The following GAREM1 variants were observed in gnomAD, a reference collection of about 807,000 sequenced individuals.
GAREM1 encodes the protein GRB2-associated and regulator of MAPK protein 1.
A neutral mutation model predicts 71.3 loss-of-function variants in GAREM1; 26 were observed. That is an observed-to-expected ratio of 0.36 (90% confidence interval 0.27 to 0.51). GAREM1 has a LOEUF of 0.51. Among genes scored for constraint, GAREM1 ranks in the 20% least tolerant of loss-of-function variants. GAREM1 has a pLI of 0.95. For missense variants in GAREM1, 1,026 were observed against 1,103.1 expected (o/e 0.93, Z 0.99); for synonymous variants, 440 against 433.2 (o/e 1.02, Z -0.20).
In GAREM1 at chr18:32,270,250, G is replaced by A; in HGVS notation, c.1700C>T (p.Thr567Ile). ...TAGCCCTGAAGAATAGTAGGACAAG[G>A]TGGGGCTGGGAGAGCGAGTCTGTTG... ...ARQQTRSPSP[T>I]LSYYSSGLHN... Residue 567 changes from threonine to isoleucine, a missense_variant, in exon 5 of 6, where the codon ACC becomes ATC. Thr to Ile is a moderately conservative substitution (Grantham distance 89, BLOSUM62 -1). This residue lies in a region of GAREM1 where 636 missense variants were observed against 631.2 expected (regional missense o/e 1.01). Transcript: ENST00000269209. 1.2e-6 allele frequency: 2 copies of A among 1,614,076 alleles called. No individual in the cohort carries two copies. Among genetic ancestry groups the A allele is most frequent in the East Asian group, 4.5e-5 (2 of 44,882 alleles).
intron 2 of GAREM1, among the ~76,000 whole-genome samples, chr18:32,338,671 T>C (rs1483939183): frequency 6.6e-6 from 1 of 152,210 alleles, no homozygotes; most frequent in African/African-American, 2.4e-5. Context: ...AAGCTCGAGA[T>C]AATCAGACTA....
chr18:32,285,329 T>C (rs2047002231), intron 4 of GAREM1, among the ~76,000 whole-genome samples: 1 of 152,198 alleles, frequency 6.6e-6, no homozygotes, highest in South Asian at 2.1e-4. Flanking sequence ...ATGAGGGCTC[T>C]TTATGGACAG....
intron 1 of GAREM1, among the ~76,000 whole-genome samples, chr18:32,469,859 T>G (rs2049032485): frequency 6.6e-6 from 1 of 152,118 alleles, no homozygotes; most frequent in South Asian, 2.1e-4. Flanking sequence ...ACCCAGGAGC[T>G]TTTCCTTTAA....
intron 2 of GAREM1, among the ~76,000 whole-genome samples, chr18:32,359,651 A>C (rs550712800): frequency 4.7e-5 from 7 of 150,142 alleles, no homozygotes; most frequent in Admixed American, 4.6e-4. Flanking sequence ...GTGATCTATC[A>C]GTTTTCTCTT....
intron 1 of GAREM1, among the ~76,000 whole-genome samples, chr18:32,459,671 T>C (rs959854371): frequency 2.0e-5 from 3 of 152,146 alleles, no homozygotes. Context: ...AGGTAAAAAA[T>C]GAATCTTGCA....
At chr18:32,350,626 T>C (rs2047740040) in intron 2 of GAREM1, among the ~76,000 whole-genome samples, 1 of 152,198 alleles carries the variant, frequency 6.6e-6, no homozygotes, top group Admixed American at 6.5e-5. Flanking sequence ...GAAAACAGCA[T>C]TTCAATGCAA....
At chr18:32,285,463 A>T (rs2047004003) in intron 4 of GAREM1, among the ~76,000 whole-genome samples, 1 of 152,158 alleles carries the variant, frequency 6.6e-6, no homozygotes, top group South Asian at 2.1e-4. Flanking sequence ...TGCCCCACAG[A>T]ACTTCTTGTT....
chr18:32,470,234 C>A lies in GAREM1; in HGVS notation c.121+74G>T. ...CCACTCCCCGCGGGTCCCACCCTCTCCAGCACACGCGCGCACACCCGCGTG... is the reference window on the plus strand; with the variant it reads ...CCACTCCCCGCGGGTCCCACCCTCTACAGCACACGCGCGCACACCCGCGTG... On this transcript the variant is annotated intron_variant, in intron 1 of 5. Transcript: ENST00000269209. This position sits in a 1 kb window ranked among gnomAD's most constrained non-coding sequence, Gnocchi z 4.4. 1 of 1,356,870 alleles carries A rather than the reference C, an allele frequency of 7.4e-7. No homozygotes were observed. Among genetic ancestry groups the A allele is most frequent in the Non-Finnish European group, 9.6e-7 (1 of 1,044,388 alleles). The allele number at this position is 1,356,870 out of a possible 1,614,324, so 84.1% of individuals were successfully genotyped here.
At position 32,268,184 on chromosome 18, in the gene GAREM1, A is replaced by C; in HGVS notation, c.2318T>G (p.Met773Arg). The C allele has an allele frequency of 6.2e-7, 1 of 1,614,126 alleles. No individual in the cohort carries two copies. The highest frequency in any genetic ancestry group is 1.1e-5 in the South Asian group (1 of 91,068). Residue 773 changes from methionine (M) to arginine (R), a missense_variant, in exon 6 of 6, where the codon ATG (methionine) becomes AGG (arginine). By Grantham distance (91) the Met-to-Arg change is moderately conservative. This residue lies in a region of GAREM1 where 636 missense variants were observed against 631.2 expected (regional missense o/e 1.01). Coordinates refer to ENST00000269209, the MANE Select transcript of GAREM1 (RefSeq NM_001242409.2). ...GTAGGAGGCAGAGAAGATGTCCTGC[A>C]TGCCCTTTTTAACAAAATACTGGTC... ...SEDQYFVKKGMQDIFSASYPF... is the reference protein window; with the variant it reads ...SEDQYFVKKGRQDIFSASYPF...
intron 2 of GAREM1, among the ~76,000 whole-genome samples, chr18:32,344,005 T>C (rs2047672069): frequency 6.6e-6 from 1 of 152,174 alleles, no homozygotes; most frequent in Non-Finnish European, 1.5e-5. Flanking sequence ...TTCCTCGCTT[T>C]GTTTTTGCCA....
intron 3 of GAREM1, among the ~76,000 whole-genome samples, chr18:32,301,610 C>A (rs967143075): frequency 6.6e-6 from 1 of 152,188 alleles, no homozygotes; most frequent in Admixed American, 6.5e-5. Flanking sequence ...CCAATCAGGG[C>A]TCAGCAGCAC....
intron 3 of GAREM1, among the ~76,000 whole-genome samples, chr18:32,293,655 A>G (rs1342808839): frequency 6.6e-6 from 1 of 152,156 alleles, no homozygotes; most frequent in African/African-American, 2.4e-5. Flanking sequence ...TTGATTAAGG[A>G]GGTGATTAAG....
Position 32,392,888 on chromosome 18 carries a change from G to A in GAREM1, c.262+7C>T. On this transcript the variant is annotated splice_region_variant and intron_variant, in intron 2 of 5. Coordinates refer to ENST00000269209, the MANE Select transcript of GAREM1 (RefSeq NM_001242409.2). ...CTGCCTCATCTTGGCCCTTGGAGGAGTCTTACCTGCATAATGTACCGGAAT... is the reference window on the plus strand; with the variant it reads ...CTGCCTCATCTTGGCCCTTGGAGGAATCTTACCTGCATAATGTACCGGAAT... 4 of 1,613,060 alleles carry A rather than the reference G, an allele frequency of 2.5e-6. No individual in the cohort carries two copies. The highest frequency in any genetic ancestry group is 3.4e-6 in the Non-Finnish European group (4 of 1,179,372).
At chr18:32,356,891 C>T (rs2047811695) in intron 2 of GAREM1, among the ~76,000 whole-genome samples, 1 of 152,154 alleles carries the variant, frequency 6.6e-6, no homozygotes, top group Non-Finnish European at 1.5e-5. Context: ...AACCGCCACC[C>T]TCCACCCCCA....
chr18:32,294,009 C>T (rs1200305424), intron 3 of GAREM1, among the ~76,000 whole-genome samples: 2 of 152,050 alleles, frequency 1.3e-5, no homozygotes, highest in Non-Finnish European at 2.9e-5. Context: ...ATGATTGTTC[C>T]AGATTAAAAT....
At chr18:32,390,773 T>G (rs2048188306) in intron 2 of GAREM1, among the ~76,000 whole-genome samples, 1 of 152,230 alleles carries the variant, frequency 6.6e-6, no homozygotes, top group African/African-American at 2.4e-5. Flanking sequence ...ATGCTCATTC[T>G]AGAACAATGG....
rs141682409 is a variant in GAREM1, at chr18:32,428,138, G to A, written c.122-35103C>T. ...GAAAATTGTTAAAACAGTTTGACAAGCTTATGAATAAAAATGGTCGAAAAA... is the reference window on the plus strand; with the variant it reads ...GAAAATTGTTAAAACAGTTTGACAAACTTATGAATAAAAATGGTCGAAAAA... On this transcript the variant is annotated intron_variant, in intron 1 of 5. Transcript: ENST00000269209. Among the ~76,000 whole-genome samples, 323 of 152,282 alleles carry A rather than the reference G, an allele frequency of 2.1e-3. 13 individuals are homozygous for A. The East Asian group carries it at 0.06, about 28-fold the overall frequency.
intron 2 of GAREM1, among the ~76,000 whole-genome samples, chr18:32,364,097 C>T (rs539494710): frequency 1.5e-5 from 2 of 130,942 alleles, no homozygotes; most frequent in East Asian, 4.8e-4. Context: ...TGCAGTGGTG[C>T]GATCTCAGCT....
In GAREM1 at chr18:32,435,837, C is replaced by A. The variant is rs149544869; in HGVS notation, c.121+34471G>T. Among the ~76,000 whole-genome samples, 113 of 152,162 alleles carry A rather than the reference C, an allele frequency of 7.4e-4. No homozygotes were observed. The Middle Eastern group carries it at 0.01, about 14-fold the overall frequency. ...GTTTGAATTCCTAGAGTGTGCCAGGCAGTTTTAAGTGGCTTTGGCGCATAA... is the reference window on the plus strand; with the variant it reads ...GTTTGAATTCCTAGAGTGTGCCAGGAAGTTTTAAGTGGCTTTGGCGCATAA... On this transcript the variant is annotated intron_variant, in intron 1 of 5. Transcript: ENST00000269209.
Sources: gnomAD v4.1 joint callset for allele counts (sites outside exome capture counted in the v4.1 genomes callset) on GRCh38, gnomAD v4.1.1 for gene constraint, gnomAD v4.1.1 regional missense constraint, Gnocchi (gnomAD v3.1) non-coding constraint, MANE v1.5 for transcripts, NCBI Gene and HGNC (gene_info 2026-07-23, HGNC 2026-07-21) for gene names.